Variants in DCUN1D5 observed in about 807,000 individuals in gnomAD.
DCUN1D5 encodes the protein defective in cullin neddylation 1 domain containing 5, also known as DCN1-like protein 5.
In DCUN1D5, 10 loss-of-function variants were observed where a neutral mutation model predicts 38.3. The ratio of observed to expected loss-of-function variants is 0.26; its 90% CI spans 0.16 to 0.44. The LOEUF is 0.44. DCUN1D5 is among the 20% of genes least tolerant of loss of function. DCUN1D5 has a pLI of 1.00. For synonymous variants in DCUN1D5, 93 were observed against 90.9 expected (o/e 1.02, Z -0.13); for missense variants, 148 against 275.3 (o/e 0.54, Z 3.27).
Position 103,061,709 on chromosome 11 carries a change from T to A in DCUN1D5, c.*650A>T, listed in dbSNP as rs1862015261. 6.6e-6 allele frequency among the ~76,000 whole-genome samples: 1 copy of A among 152,020 alleles called. No individual in the cohort carries two copies. Among genetic ancestry groups the A allele is most frequent in the South Asian group, 2.1e-4 (1 of 4,830 alleles). On this transcript the variant is annotated 3_prime_UTR_variant, in exon 8 of 8. Transcript: ENST00000260247. ...TGATGATACAACTTAATAATACAAC[T>A]TTTTTAGAAAACAAAACAACTGGAC...
In DCUN1D5 at chr11:103,064,241, T is replaced by G. The variant is rs1459006547; in HGVS notation, c.658+34A>C. ...CTCTCATTTAATATTTTTGGAAATTTTGTTTTCAAAGGAACATGTTATGTT... is the reference window on the plus strand; with the variant it reads ...CTCTCATTTAATATTTTTGGAAATTGTGTTTTCAAAGGAACATGTTATGTT... On this transcript the variant is annotated intron_variant, in intron 7 of 7. Transcript: ENST00000260247. The surrounding 1 kb of genome is among the most constrained non-coding windows in gnomAD (Gnocchi z 4.5). The G allele has an allele frequency of 1.3e-6, 2 of 1,561,342 alleles. No individual in the cohort carries two copies. The highest frequency in any genetic ancestry group is 2.7e-5 in the African/African-American group (2 of 73,782).
At chr11:103,080,257 C>A (rs937327923) in intron 4 of DCUN1D5, among the ~76,000 whole-genome samples, 18 of 151,988 alleles carry the variant, frequency 1.2e-4, no homozygotes, top group African/African-American at 4.1e-4. Context: ...GGTGAAATCA[C>A]AAAAGTATGA....
At chr11:103,089,027 A>G (rs1048792614) in intron 2 of DCUN1D5, among the ~76,000 whole-genome samples, 200 bp downstream of exon 2, 1 of 152,206 alleles carries the variant, frequency 6.6e-6, no homozygotes, top group Admixed American at 6.5e-5. Flanking sequence ...CAGTAAATAT[A>G]TACCGAATAT....
In DCUN1D5 at chr11:103,053,748, A is replaced by G. The variant is rs560741057; in HGVS notation, c.*8611T>C. 6.6e-6 allele frequency: 1 copy of G among 152,172 alleles called. No individual in the cohort carries two copies. The highest frequency in any genetic ancestry group is 1.5e-5 in the Non-Finnish European group (1 of 67,966). The allele number at this position is 152,172 out of a possible 1,614,324, so 9.4% of individuals were successfully genotyped here. A position where few individuals can be genotyped will look rare whatever the true frequency, so the allele number is the denominator to read the frequency against. On this transcript the variant is annotated 3_prime_UTR_variant, in exon 8 of 8. Coordinates refer to ENST00000260247, the MANE Select transcript of DCUN1D5 (RefSeq NM_032299.4). This position sits in a 1 kb window ranked among gnomAD's most constrained non-coding sequence, Gnocchi z 4.8. ...TCACATGTACCCCCCAAATAAATAC[A>G]TCTATTATGTATCAATGAAAAAAAT...
chr11:103,089,009 T>TTCCC (rs1862784453), intron 2 of DCUN1D5, among the ~76,000 whole-genome samples: 3 of 152,210 alleles, frequency 2.0e-5, no homozygotes, highest in Admixed American at 1.3e-4. Flanking sequence ...AAATGAGTTC[T>TTCCC]TCCCTCCCAG....
chr11:103,092,140 G>A lies in DCUN1D5; in HGVS notation c.-268C>T. On this transcript the variant is annotated 5_prime_UTR_variant, in exon 1 of 8. Coordinates refer to ENST00000260247, the MANE Select transcript of DCUN1D5 (RefSeq NM_032299.4). ...AGGAGATAACGCGGACAGCGCGGCA[G>A]CTCCACCAGTCACAGCAAGCAAGAG... The A allele has an allele frequency of 4.6e-6, 2 of 430,964 alleles. No individual in the cohort carries two copies. The highest frequency in any genetic ancestry group is 4.1e-5 in the Admixed American group (1 of 24,400). The allele number at this position is 430,964 out of a possible 1,614,324, so 26.7% of individuals were successfully genotyped here.
chr11:103,064,288 A>T lies in DCUN1D5; in HGVS notation c.645T>A (p.Asp215Glu). 1.2e-6 allele frequency: 2 copies of T among 1,609,412 alleles called. No individual in the cohort carries two copies. Among genetic ancestry groups the T allele is most frequent in the Non-Finnish European group, 1.7e-6 (2 of 1,178,780 alleles). Residue 215 changes from aspartate (D) to glutamate (E), a missense_variant, in exon 7 of 8, where the codon GAT becomes GAA. Transcript: ENST00000260247. This position sits in a 1 kb window ranked among gnomAD's most constrained non-coding sequence, Gnocchi z 4.5. ...TGTTATACTTACAAGCACCATCTTC[A>T]TCATAGTTACTAAGATCAGCATGGA... ...RTVHADLSNYDEDGAWPVLLD... is the reference protein window; with the variant it reads ...RTVHADLSNYEEDGAWPVLLD...
chr11:103,066,632 G>A lies in DCUN1D5; in HGVS notation c.342-65C>T, dbSNP rs1214902227. 3 of 981,720 alleles carry A rather than the reference G, an allele frequency of 3.1e-6. No homozygotes were observed. Among genetic ancestry groups the A allele is most frequent in the Non-Finnish European group, 4.7e-6 (3 of 636,190 alleles). The allele number at this position is 981,720 out of a possible 1,614,324, so 60.8% of individuals were successfully genotyped here. ...AAAATCAAATAAAAGTATCACTGGG[G>A]GTTAGACGTAATGCATTAAGAAAAA... On this transcript the variant is annotated intron_variant, in intron 4 of 7. Transcript: ENST00000260247. The surrounding 1 kb of genome is among the most constrained non-coding windows in gnomAD (Gnocchi z 4.7).
In DCUN1D5 at chr11:103,062,542, G is replaced by T; in HGVS notation, c.659-128C>A. 2 of 755,862 alleles carry T rather than the reference G, an allele frequency of 2.6e-6. No individual in the cohort carries two copies. Among genetic ancestry groups the T allele is most frequent in the Non-Finnish European group, 4.4e-6 (2 of 455,972 alleles). 46.8% of individuals were successfully genotyped at this position (755,862 alleles called of 1,614,324 possible). ...CCTTTCTTTGGGTGTTCTGCTTCTAGACACCTTATTCCATTTAATGGTGCT... is the reference window on the plus strand; with the variant it reads ...CCTTTCTTTGGGTGTTCTGCTTCTATACACCTTATTCCATTTAATGGTGCT... On this transcript the variant is annotated intron_variant, in intron 7 of 7. Transcript: ENST00000260247. This position sits in a 1 kb window ranked among gnomAD's most constrained non-coding sequence, Gnocchi z 4.6.
intron 4 of DCUN1D5, among the ~76,000 whole-genome samples, chr11:103,080,258 A>G (rs904934581): frequency 2.6e-5 from 4 of 152,224 alleles, no homozygotes; most frequent in Non-Finnish European, 5.9e-5. Flanking sequence ...GTGAAATCAC[A>G]AAAGTATGAA....
Position 103,051,318 on chromosome 11 carries a change from TA to T in DCUN1D5, c.*11040del, listed in dbSNP as rs1001998833. On this transcript the variant is annotated 3_prime_UTR_variant, in exon 8 of 8. Coordinates refer to ENST00000260247, the MANE Select transcript of DCUN1D5 (RefSeq NM_032299.4). ...CCATCCATCCTTCAGGAAACTTTTT[TA>T]AAAAAAGATTTTCTGCATGGTTTAT... is the stretch of plus-strand genomic sequence containing the variant. 16 of 152,302 alleles carry T rather than the reference TA, an allele frequency of 1.1e-4. No homozygotes were observed. The highest frequency in any genetic ancestry group is 3.6e-4 in the African/African-American group (15 of 41,568). The allele number at this position is 152,302 out of a possible 1,614,324, so 9.4% of individuals were successfully genotyped here.
In DCUN1D5 at chr11:103,057,971, T is replaced by C. The variant is rs1861915615; in HGVS notation, c.*4388A>G. Among the ~76,000 whole-genome samples, 1 of 152,114 alleles carries C rather than the reference T, an allele frequency of 6.6e-6. No homozygotes were observed. Among genetic ancestry groups the C allele is most frequent in the Non-Finnish European group, 1.5e-5 (1 of 68,008 alleles). ...ATAAAACTTCTAAAAAATGATATAATTTGGGGGAAAGCTAAGACATTTTTA... is the reference window on the plus strand; with the variant it reads ...ATAAAACTTCTAAAAAATGATATAACTTGGGGGAAAGCTAAGACATTTTTA... On this transcript the variant is annotated 3_prime_UTR_variant, in exon 8 of 8. Transcript: ENST00000260247. This position sits in a 1 kb window ranked among gnomAD's most constrained non-coding sequence, Gnocchi z 4.8.
chr11:103,081,307 C>T (rs1172848196), intron 4 of DCUN1D5, among the ~76,000 whole-genome samples: 3 of 152,112 alleles, frequency 2.0e-5, no homozygotes, highest in Non-Finnish European at 4.4e-5. Flanking sequence ...CATATTACAA[C>T]ATAAATTTTA....
rs868815676 is a variant in DCUN1D5 at position 103,062,489 on chromosome 11, G to A, written c.659-75C>T. The A allele has an allele frequency of 7.8e-7, 1 of 1,285,080 alleles. No individual in the cohort carries two copies. Among genetic ancestry groups the A allele is most frequent in the African/African-American group, 1.5e-5 (1 of 67,340 alleles). 79.6% of individuals were successfully genotyped at this position (1,285,080 alleles called of 1,614,324 possible). A position where few individuals can be genotyped will look rare whatever the true frequency, so the allele number is the denominator to read the frequency against. ...CAATTATAAAACAAACTCCCCACGA[G>A]CTCTGCAATGACAGAGGAATGACCC... On this transcript the variant is annotated intron_variant, in intron 7 of 7. Transcript: ENST00000260247. The surrounding 1 kb of genome is among the most constrained non-coding windows in gnomAD (Gnocchi z 4.6).
At position 103,066,878 on chromosome 11, in the gene DCUN1D5, A is replaced by G. The variant is rs895297786; in HGVS notation, c.342-311T>C. ...TAAAATCGAAGTTAAAAAGAGATGT[A>G]TTAAAACATGTTTTATCACATATAC... On this transcript the variant is annotated intron_variant, in intron 4 of 7. Transcript: ENST00000260247. This position sits in a 1 kb window ranked among gnomAD's most constrained non-coding sequence, Gnocchi z 4.7. Among the ~76,000 whole-genome samples the G allele has an allele frequency of 6.6e-6, 1 of 152,240 alleles. No homozygotes were observed. Among genetic ancestry groups the G allele is most frequent in the African/African-American group, 2.4e-5 (1 of 41,472 alleles).
At chr11:103,076,975 G>T (rs1423691202) in intron 4 of DCUN1D5, among the ~76,000 whole-genome samples, 1 of 152,154 alleles carries the variant, frequency 6.6e-6, no homozygotes, top group Admixed American at 6.5e-5. Context: ...GAGGCGGGTG[G>T]ATCACGAGGT....
intron 4 of DCUN1D5, among the ~76,000 whole-genome samples, chr11:103,081,809 A>T (rs11225543): frequency 0.045 from 6,837 of 152,272 alleles, 215 homozygotes; most frequent in Non-Finnish European, 0.064. Context: ...AATGTCAGTT[A>T]AAAAAGAGAA....
chr11:103,088,306 GA>G (rs1011138398), intron 2 of DCUN1D5, among the ~76,000 whole-genome samples: 4 of 147,222 alleles, frequency 2.7e-5, no homozygotes, highest in African/African-American at 7.5e-5. Flanking sequence ...AAAAGAAGGA[GA>G]AAAAAAAGTG....
In DCUN1D5 at chr11:103,087,881, T is replaced by A. The variant is rs985847522; in HGVS notation, c.178+1346A>T. 6.6e-6 allele frequency among the ~76,000 whole-genome samples: 1 copy of A among 152,112 alleles called. No homozygotes were observed. Among genetic ancestry groups the A allele is most frequent in the East Asian group, 1.9e-4 (1 of 5,188 alleles). ...TATTGTATCTAGTAACCTTTATAAG[T>A]GAAATAAGATGGGTGACCTTTTGAT... is the stretch of plus-strand genomic sequence containing the variant. On this transcript the variant is annotated intron_variant, in intron 2 of 7. Transcript: ENST00000260247. The surrounding 1 kb of genome is among the most constrained non-coding windows in gnomAD (Gnocchi z 4.1).
Sources: gnomAD v4.1 joint callset for allele counts (sites outside exome capture counted in the v4.1 genomes callset) on GRCh38, gnomAD v4.1.1 for gene constraint, Gnocchi (gnomAD v3.1) non-coding constraint, MANE v1.5 for transcripts, NCBI Gene and HGNC (gene_info 2026-07-23, HGNC 2026-07-21) for gene names.